The following CREG1 variants were observed in gnomAD, a reference collection of about 807,000 sequenced individuals.
CREG1 encodes the protein cellular repressor of E1A stimulated genes 1, also known as protein CREG1.
Under a neutral mutation model 19.9 loss-of-function variants are expected in CREG1, and 20 were observed. The observed-to-expected ratio is 1.01, with a 90% CI of 0.71 to 1.46. The LOEUF is 1.46. CREG1 is among the 40% of genes most tolerant of loss of function. CREG1 has a pLI of 0.00. For missense variants in CREG1, 290 were observed against 314.9 expected (o/e 0.92, Z 0.60); for synonymous variants, 141 against 143.3 (o/e 0.98, Z 0.12).
At chr1:167,542,857 T>C (rs569771484) in intron 3 of CREG1, among the ~76,000 whole-genome samples, 19 of 152,246 alleles carry the variant, frequency 1.2e-4, no homozygotes, top group South Asian at 8.3e-4. Context: ...TGCTAGGAAA[T>C]ATCCGGATGT....
At chr1:167,543,047 A>T (rs1198806966) in intron 3 of CREG1, among the ~76,000 whole-genome samples, 1 of 152,104 alleles carries the variant, frequency 6.6e-6, no homozygotes, top group Non-Finnish European at 1.5e-5. Context: ...GGAGATTGAG[A>T]CCATCCTGGC....
In CREG1 at chr1:167,547,945, A is replaced by G. The variant is rs888407643; in HGVS notation, c.474+57T>C. On this transcript the variant is annotated intron_variant, in intron 2 of 3. Transcript: ENST00000370509. The stretch of plus-strand genomic sequence containing the variant: ...CAAAAGAAAAATGATCTATTCTTTC[A>G]TTGTGAATACGATGGTGTTCTGAAA... 9.6e-6 allele frequency: 15 copies of G among 1,558,260 alleles called. No individual in the cohort carries two copies. The African/African-American group carries it at 1.6e-4, about 17-fold the overall frequency.
chr1:167,548,690 C>T (rs184534696), intron 1 of CREG1, among the ~76,000 whole-genome samples: 1 of 152,326 alleles, frequency 6.6e-6, no homozygotes, highest in Admixed American at 6.5e-5. Context: ...ATTCTTAATG[C>T]TTTCTTATTC....
At chr1:167,553,284 G>C (rs1255432023) in intron 1 of CREG1, 104 bp downstream of exon 1, 7 of 944,862 alleles carry the variant, frequency 7.4e-6, no homozygotes, top group African/African-American at 3.5e-5. Flanking sequence ...ACAGCCGTTC[G>C]AGCCACGCTC....
At position 167,553,724 on chromosome 1, in the gene CREG1, GC is replaced by G; in HGVS notation, c.17del (p.Arg6ProfsTer57). MAGLSRGSARALLAAL... is the reference protein window; with the variant it reads MAGLSXGSARALLAAL... ...CGGCGAGCAGTGCGCGCGCGGACCC[GC>G]GGGATAGCCCGGCCATGGCGGTGTC... On this transcript the variant is annotated frameshift_variant, in exon 1 of 4. Coordinates refer to ENST00000370509, the MANE Select transcript of CREG1 (RefSeq NM_003851.3). LOFTEE classifies it high-confidence loss of function. 7.8e-7 allele frequency: 1 copy of G among 1,290,252 alleles called. No homozygotes were observed. The highest frequency in any genetic ancestry group is 2.5e-5 in the South Asian group (1 of 39,556). 79.9% of individuals were successfully genotyped at this position (1,290,252 alleles called of 1,614,324 possible).
At chr1:167,550,964 GA>G (rs1656414422) in intron 1 of CREG1, among the ~76,000 whole-genome samples, 2 of 152,148 alleles carry the variant, frequency 1.3e-5, no homozygotes, top group African/African-American at 2.4e-5. Context: ...CACATCACAA[GA>G]AAAGAATGCC....
At chr1:167,551,492 T>G (rs984475311) in intron 1 of CREG1, among the ~76,000 whole-genome samples, 2 of 152,216 alleles carry the variant, frequency 1.3e-5, no homozygotes, top group African/African-American at 4.8e-5. Context: ...TGGGCTAATG[T>G]CCTACCTGAC....
chr1:167,544,257 A>T (rs558176415), intron 3 of CREG1, among the ~76,000 whole-genome samples: 28 of 152,270 alleles, frequency 1.8e-4, no homozygotes, highest in Admixed American at 1.8e-3. Flanking sequence ...GTAATGAGCC[A>T]GACAATCATT....
At position 167,546,217 on chromosome 1, in the gene CREG1, C is replaced by T. The variant is rs770158928; in HGVS notation, c.543G>A (p.Trp181Ter). Residue 181 changes from tryptophan (W) to a stop codon, truncating the protein, a stop_gained, in exon 3 of 4, where the codon TGG becomes TGA. Transcript: ENST00000370509. LOFTEE classifies it high-confidence loss of function. ...LFIRHPEMKT[W>*]PSSHNWFFAK... Reference sequence around the variant, plus strand: ...CAAAGAACCAATTATGGCTGGAAGGCCAGGTTTTCATCTCAGGGTGTCGAA... The same window carrying T: ...CAAAGAACCAATTATGGCTGGAAGGTCAGGTTTTCATCTCAGGGTGTCGAA... The T allele has an allele frequency of 6.2e-7, 1 of 1,613,054 alleles. No homozygotes were observed. The highest frequency in any genetic ancestry group is 2.2e-5 in the East Asian group (1 of 44,810).
intron 1 of CREG1, among the ~76,000 whole-genome samples, chr1:167,553,160 T>C (rs1449592604): frequency 2.6e-5 from 4 of 151,974 alleles, no homozygotes; most frequent in South Asian, 2.1e-4. Context: ...GGCAGAGAAT[T>C]TACCCCAGGT....
chr1:167,546,294 C>T lies in CREG1; in HGVS notation c.475-9G>A, dbSNP rs1435134911. On this transcript the variant is annotated splice_polypyrimidine_tract_variant and intron_variant, in intron 2 of 3. Transcript: ENST00000370509. ...ATTTCTGTTTCATTCACCTAAAGGA[C>T]ATATATGAAATAAACATTCTTATGG... The T allele has an allele frequency of 6.5e-7, 1 of 1,541,284 alleles. No individual in the cohort carries two copies. Among genetic ancestry groups the T allele is most frequent in the Non-Finnish European group, 8.8e-7 (1 of 1,132,044 alleles).
chr1:167,548,238 GA>G (rs753208958), intron 1 of CREG1, 117 bp from the exon 2 acceptor site: 223 of 712,566 alleles, frequency 3.1e-4, no homozygotes, highest in Non-Finnish European at 4.2e-4. Context: ...ACGAAACAAT[GA>G]ATCATAAAAC....
chr1:167,547,131 C>G (rs532347382), intron 2 of CREG1, among the ~76,000 whole-genome samples: 1 of 152,190 alleles, frequency 6.6e-6, no homozygotes, highest in Non-Finnish European at 1.5e-5. Flanking sequence ...ATGATTGACA[C>G]GGTCAAAAAG....
intron 3 of CREG1, among the ~76,000 whole-genome samples, 168 bp from the exon 4 acceptor site, chr1:167,542,469 C>A (rs1479568433): frequency 6.6e-6 from 1 of 152,168 alleles, no homozygotes; most frequent in East Asian, 1.9e-4. Flanking sequence ...TGTTAAAATG[C>A]AGACTCCTGA....
intron 3 of CREG1, among the ~76,000 whole-genome samples, chr1:167,543,498 G>C (rs1656265081): frequency 6.6e-6 from 1 of 152,232 alleles, no homozygotes. Context: ...ATCTGGGCAA[G>C]CCAAGCAAGG....
At chr1:167,553,264 C>T in intron 1 of CREG1, 124 bp downstream of exon 1, 3 of 763,902 alleles carry the variant, frequency 3.9e-6, no homozygotes, top group Non-Finnish European at 5.6e-6. Context: ...GCCTGCGCGG[C>T]AGAGAAGCAA....
chr1:167,545,963 T>C (rs1656309968), intron 3 of CREG1, 138 bp downstream of exon 3: 2 of 511,534 alleles, frequency 3.9e-6, no homozygotes, highest in Non-Finnish European at 6.9e-6. Context: ...AAAACATTAT[T>C]CTGAGAAGGG....
intron 1 of CREG1, among the ~76,000 whole-genome samples, chr1:167,549,647 T>C (rs1558048020): frequency 6.6e-6 from 1 of 152,032 alleles, no homozygotes; most frequent in Non-Finnish European, 1.5e-5. Context: ...CCTCCCAAAG[T>C]GCTGGGATTA....
chr1:167,542,210 G>A lies in CREG1; in HGVS notation c.*88C>T, dbSNP rs1156977010. On this transcript the variant is annotated 3_prime_UTR_variant, in exon 4 of 4. Coordinates refer to ENST00000370509, the MANE Select transcript of CREG1 (RefSeq NM_003851.3). ...AGAAAACTGGCTAATATTCTGGGAC[G>A]CTTTCCAGAGAAACATTAAGCCTTT... The A allele has an allele frequency of 1.1e-5, 13 of 1,219,580 alleles. No individual in the cohort carries two copies. Among genetic ancestry groups the A allele is most frequent in the African/African-American group, 1.6e-5 (1 of 63,896 alleles). 75.5% of individuals were successfully genotyped at this position (1,219,580 alleles called of 1,614,324 possible). A position where few individuals can be genotyped will look rare whatever the true frequency, so the allele number is the denominator to read the frequency against.
Sources: allele counts gnomAD v4.1 joint callset (sites outside exome capture counted in the v4.1 genomes callset), GRCh38; gene constraint gnomAD v4.1.1; transcripts MANE v1.5; gene names NCBI Gene and HGNC (gene_info 2026-07-23, HGNC 2026-07-21).